The following COBLL1 variants were observed in gnomAD, a reference collection of about 807,000 sequenced individuals.
COBLL1 encodes cordon-bleu WH2 repeat protein like 1.
In COBLL1, 50 loss-of-function variants were observed where a neutral mutation model predicts 94.8. That is an observed-to-expected ratio of 0.53 (90% CI 0.42 to 0.67). COBLL1 has a LOEUF of 0.67. Ranked by LOEUF, COBLL1 falls within the 30% of genes least tolerant of loss-of-function variation. The probability of loss-of-function intolerance (pLI) is 0.00; values close to 1 mark genes in which losing one functional copy is unlikely to be tolerated. For missense variants in COBLL1, 1,362 were observed against 1,348.7 expected, an observed-to-expected ratio of 1.01 and a Z score of -0.15; for synonymous variants, 448 against 473.8, an observed-to-expected ratio of 0.95 and a Z score of 0.71.
At chr2:164,825,711 C>T (rs1468706014) in intron 2 of COBLL1, among the ~76,000 whole-genome samples, 1 of 152,214 alleles carries the variant, frequency 6.6e-6, no homozygotes, top group Non-Finnish European at 1.5e-5. Flanking sequence ...TGCCATCATG[C>T]TGCCACCATA....
chr2:164,781,569 T>C (rs1688727326), intron 2 of COBLL1, among the ~76,000 whole-genome samples: 1 of 152,194 alleles, frequency 6.6e-6, no homozygotes, highest in Non-Finnish European at 1.5e-5. Context: ...ATGGATACTT[T>C]ACAAGATACT....
chr2:164,776,665 G>A (rs1237791938), intron 2 of COBLL1, among the ~76,000 whole-genome samples: 1 of 151,784 alleles, frequency 6.6e-6, no homozygotes, highest in African/African-American at 2.4e-5. Flanking sequence ...CACCTTCTCA[G>A]TCTTCTCCTG....
intron 2 of COBLL1, among the ~76,000 whole-genome samples, chr2:164,807,802 TTTATTTTATTTTATC>T (rs1157609363): frequency 1.0e-4 from 15 of 145,284 alleles, no homozygotes; most frequent in East Asian, 1.9e-4. Context: ...TTGTTTGAGC[TTTATTTTATTTTATC>T]TTATTTTATT....
intron 3 of COBLL1, among the ~76,000 whole-genome samples, chr2:164,734,002 C>T (rs1285127788): frequency 1.3e-5 from 2 of 152,154 alleles, no homozygotes; most frequent in East Asian, 3.8e-4. Flanking sequence ...TCAGTATCTG[C>T]TGGGAACTTG....
intron 2 of COBLL1, among the ~76,000 whole-genome samples, chr2:164,838,546 T>C (rs1683432799): frequency 6.6e-6 from 1 of 152,166 alleles, no homozygotes; most frequent in South Asian, 2.1e-4. Context: ...CAAGAAAAGA[T>C]AAAAAGCAAT....
rs183108549 is a variant in COBLL1, at chr2:164,717,462, A to G, written c.996+4613T>C. ...AAATTTAAAACAAGCAAGCAGTGAA[A>G]TAAGTATGATTCACTTGTACGTTCA... On this transcript the variant is annotated intron_variant, in intron 7 of 13. Coordinates refer to ENST00000652658, the MANE Select transcript of COBLL1 (RefSeq NM_001365672.2). Among the ~76,000 whole-genome samples, 1,445 of 152,360 alleles carry G rather than the reference A, an allele frequency of 9.5e-3. 12 individuals carry two copies. Among genetic ancestry groups the G allele is most frequent in the Non-Finnish European group, 0.014 (919 of 68,032 alleles).
intron 3 of COBLL1, among the ~76,000 whole-genome samples, chr2:164,739,352 G>A (rs1329725349): frequency 6.6e-6 from 1 of 152,150 alleles, no homozygotes; most frequent in Non-Finnish European, 1.5e-5. Context: ...ATACCACTGT[G>A]CACTCACATT....
intron 7 of COBLL1, among the ~76,000 whole-genome samples, chr2:164,719,855 G>A (rs1685357870): frequency 6.6e-6 from 1 of 151,866 alleles, no homozygotes. Flanking sequence ...TGTCTTCTCT[G>A]AATAAGTGCA....
chr2:164,672,656 G>A (rs1215099857), intron 1 of COBLL1, among the ~76,000 whole-genome samples: 8 of 133,334 alleles, frequency 6.0e-5, no homozygotes, highest in African/African-American at 9.1e-5. Flanking sequence ...CCGAGATTGC[G>A]CCACTGCAGT....
At chr2:164,698,012 G>A (rs750224230) in intron 11 of COBLL1, 5 of 151,946 alleles carry the variant, frequency 3.3e-5, no homozygotes, top group African/African-American at 4.8e-5. Flanking sequence ...AAGAATAATA[G>A]ACATTATTTA....
chr2:164,723,037 C>T (rs914520815), intron 5 of COBLL1: 1 of 152,168 alleles, frequency 6.6e-6, no homozygotes, highest in Non-Finnish European at 1.5e-5. Context: ...TGGGTCTCAA[C>T]TGGGACCAAT....
intron 2 of COBLL1, among the ~76,000 whole-genome samples, chr2:164,818,539 A>AG (rs55980136): frequency 0.12 from 17,408 of 148,388 alleles, 1,330 homozygotes; most frequent in Admixed American, 0.18. Context: ...ATACATATTT[A>AG]CATATATGTG....
At chr2:164,757,052 C>T (rs1388904003) in intron 2 of COBLL1, among the ~76,000 whole-genome samples, 3 of 152,088 alleles carry the variant, frequency 2.0e-5, no homozygotes, top group Non-Finnish European at 2.9e-5. Flanking sequence ...ATACTGAGGC[C>T]TAGGTGTCAC....
intron 2 of COBLL1, among the ~76,000 whole-genome samples, chr2:164,750,752 C>G (rs888611201): frequency 6.6e-6 from 1 of 152,136 alleles, no homozygotes. Context: ...TTGCAGGCCC[C>G]AAATGAGCTA....
intron 2 of COBLL1, among the ~76,000 whole-genome samples, chr2:164,788,387 T>TA (rs916440511): frequency 1.9e-4 from 29 of 150,290 alleles, no homozygotes; most frequent in African/African-American, 5.4e-4. Flanking sequence ...TCTGTACCTT[T>TA]AAAAAAAAAA....
intron 7 of COBLL1, among the ~76,000 whole-genome samples, chr2:164,721,550 T>G (rs1450101334): frequency 1.3e-5 from 2 of 152,178 alleles, no homozygotes; most frequent in African/African-American, 2.4e-5. Context: ...CTGTGATATA[T>G]TCTATATAAA....
chr2:164,743,845 A>G lies in COBLL1; in HGVS notation c.72T>C (p.Pro24=). Residue 24 remains proline (P), a synonymous_variant, in exon 3 of 14, where the codon CCT becomes CCC. Transcript: ENST00000652658. ...RRKPKAKAPL[P]PAETKYTDVS... is the part of the protein sequence containing the mutation. ...CATCAGTATATTTGGTCTCAGCTGG[A>G]GGAAGTGGTGCCTTGGCTTTTGGTT... 6.3e-7 allele frequency: 1 copy of G among 1,579,432 alleles called. No individual in the cohort carries two copies. The highest frequency in any genetic ancestry group is 1.2e-5 in the South Asian group (1 of 85,446).
chr2:164,766,090 T>C (rs72880668), intron 2 of COBLL1, among the ~76,000 whole-genome samples: 2,433 of 152,322 alleles, frequency 0.016, 28 homozygotes, highest in South Asian at 0.027. Context: ...AAGCAGCTCT[T>C]GAGGTTCACC....
Position 164,700,773 on chromosome 2 carries a change from A to G in COBLL1, c.1226-17T>C, listed in dbSNP as rs1684211833. ...TTATTCCAGCTACAAAGAAATGCAG[A>G]TATAATCCTAAATATTAATTTGCCT... On this transcript the variant is annotated splice_polypyrimidine_tract_variant and intron_variant, in intron 9 of 13. Transcript: ENST00000652658. 4 of 1,448,554 alleles carry G rather than the reference A, an allele frequency of 2.8e-6. No homozygotes were observed. Among genetic ancestry groups the G allele is most frequent in the Non-Finnish European group, 3.8e-6 (4 of 1,040,686 alleles). 89.7% of individuals were successfully genotyped at this position (1,448,554 alleles called of 1,614,324 possible). A position where few individuals can be genotyped will look rare whatever the true frequency, so the allele number is the denominator to read the frequency against.
Sources: allele counts gnomAD v4.1 joint callset (sites outside exome capture counted in the v4.1 genomes callset), GRCh38; gene constraint gnomAD v4.1.1; transcripts MANE v1.5; gene names NCBI Gene and HGNC (gene_info 2026-07-23, HGNC 2026-07-21).